Variants in APBA1 observed in about 807,000 individuals in gnomAD.
The protein encoded by APBA1 is amyloid beta precursor protein binding family A member 1.
APBA1 carries 55 observed loss-of-function variants against 86.6 expected under a neutral mutation model. The observed-to-expected ratio is 0.64, with a 90% confidence interval of 0.51 to 0.80. The LOEUF (loss-of-function observed/expected upper bound fraction) is 0.80, where lower values mean the gene tolerates loss of function less well. Among genes scored for constraint, APBA1 ranks in the 30% least tolerant of loss-of-function variants. The pLI, the probability that APBA1 is intolerant of heterozygous loss-of-function variation, is 0.00. For synonymous variants in APBA1, 511 were observed against 493.9 expected (o/e 1.03, Z -0.46); for missense variants, 1,090 against 1,183.0 (o/e 0.92, Z 1.15).
chr9:69,638,519 G>A (rs193018945), intron 1 of APBA1, among the ~76,000 whole-genome samples: 3 of 152,306 alleles, frequency 2.0e-5, no homozygotes, highest in Admixed American at 6.5e-5. Context: ...GGGATTACAG[G>A]TGTGAGCCAT....
chr9:69,631,784 T>C (rs1276039834), intron 1 of APBA1, among the ~76,000 whole-genome samples: 2 of 152,180 alleles, frequency 1.3e-5, no homozygotes, highest in African/African-American at 2.4e-5. Context: ...GAAACCATCA[T>C]TCTCAGCAAA....
chr9:69,607,500 A>G (rs1315024878), intron 1 of APBA1, among the ~76,000 whole-genome samples: 1 of 152,130 alleles, frequency 6.6e-6, no homozygotes, highest in African/African-American at 2.4e-5. Context: ...AGCATCTACC[A>G]TTACTGCTAG....
chr9:69,596,974 A>T (rs1445648446), intron 1 of APBA1, among the ~76,000 whole-genome samples: 1 of 152,222 alleles, frequency 6.6e-6, no homozygotes, highest in Non-Finnish European at 1.5e-5. Flanking sequence ...TGGGGGTGCA[A>T]ATCAATATTT....
chr9:69,528,676 T>C (rs10118612), intron 1 of APBA1, among the ~76,000 whole-genome samples: 27,538 of 151,992 alleles, frequency 0.18, 2,581 homozygotes, highest in Admixed American at 0.22. Flanking sequence ...GTTATCTCTA[T>C]TGCTACACTA....
rs548071231 is a variant in APBA1 at position 69,668,875 on chromosome 9, T to C, written c.-70+3278A>G. Among the ~76,000 whole-genome samples the C allele has an allele frequency of 3.6e-3, 552 of 152,322 alleles. 3 individuals are homozygous for C. Among genetic ancestry groups the C allele is most frequent in the Non-Finnish European group, 4.3e-3 (291 of 68,020 alleles). ...GCCACCTTAATCACAGCTCAAATGC[T>C]ATATCCCATGTAACCTTCCCTAATT... is the stretch of plus-strand genomic sequence containing the variant. On this transcript the variant is annotated intron_variant, in intron 1 of 12. Coordinates refer to ENST00000265381, the MANE Select transcript of APBA1 (RefSeq NM_001163.4).
intron 1 of APBA1, among the ~76,000 whole-genome samples, chr9:69,617,221 C>T (rs1564093232): frequency 6.6e-6 from 1 of 152,136 alleles, no homozygotes; most frequent in Non-Finnish European, 1.5e-5. Context: ...CCTGAATATG[C>T]ACATAGCTTA....
Position 69,636,830 on chromosome 9 carries a change from AGGGAGGGAGG to A in APBA1, c.-70+35313_-70+35322del, listed in dbSNP as rs1408178458. 2.2e-3 allele frequency among the ~76,000 whole-genome samples: 13 copies of A among 5,842 alleles called. 2 individuals are homozygous for A. Among genetic ancestry groups the A allele is most frequent in the Admixed American group, 9.9e-3 (5 of 506 alleles). The allele number at this position is 5,842 out of a possible 152,430, so 3.8% of individuals were successfully genotyped here. ...GAGAGAGAGAGAGAGAGAGAGAGAG[AGGGAGGGAGG>A]GAGGGAGGGAGGGAGGGAGGGAGGG... On this transcript the variant is annotated intron_variant, in intron 1 of 12. Coordinates refer to ENST00000265381, the MANE Select transcript of APBA1 (RefSeq NM_001163.4).
At chr9:69,639,658 C>G (rs945005247) in intron 1 of APBA1, among the ~76,000 whole-genome samples, 31 of 152,114 alleles carry the variant, frequency 2.0e-4, no homozygotes, top group African/African-American at 6.5e-4. Context: ...CTGGTTACCC[C>G]CTGGAGGGTG....
At chr9:69,561,549 A>G (rs1049642821) in intron 1 of APBA1, among the ~76,000 whole-genome samples, 2 of 152,148 alleles carry the variant, frequency 1.3e-5, no homozygotes, top group Admixed American at 1.3e-4. Flanking sequence ...CATCTGTTAG[A>G]GTTCAGAAGT....
Position 69,476,063 on chromosome 9 carries a change from C to G in APBA1, c.1281G>C (p.Ala427=). 1 of 1,614,054 alleles carries G rather than the reference C, an allele frequency of 6.2e-7. No homozygotes were observed. Among genetic ancestry groups the G allele is most frequent in the Non-Finnish European group, 8.5e-7 (1 of 1,179,964 alleles). Residue 427 remains alanine, a synonymous_variant, in exon 3 of 13, where the codon GCG becomes GCC. Transcript: ENST00000265381. The part of the protein sequence containing the change: ...TSLHPSDPVE[A]STNKESRKSL... ...AGCACCCTACCTCTTTATTAGTGGA[C>G]GCTTCCACAGGGTCACTGGGGTGAA...
chr9:69,458,226 TAGAA>T (rs777903428), intron 5 of APBA1, 38 bp from the exon 6 acceptor site: 7 of 1,585,586 alleles, frequency 4.4e-6, no homozygotes, highest in South Asian at 1.2e-5. Context: ...GGAGAATAGT[TAGAA>T]AGAATGTGTA....
chr9:69,608,917 A>G (rs1432955749), intron 1 of APBA1, among the ~76,000 whole-genome samples: 1 of 152,134 alleles, frequency 6.6e-6, no homozygotes, highest in Non-Finnish European at 1.5e-5. Flanking sequence ...TAATCTAATA[A>G]CCATCACTGG....
intron 6 of APBA1, among the ~76,000 whole-genome samples, chr9:69,457,796 G>A (rs188622578): frequency 2.4e-4 from 37 of 152,070 alleles, no homozygotes; most frequent in African/African-American, 8.7e-4. Flanking sequence ...TTTCTTTTTT[G>A]CATCCAGCAA....
intron 2 of APBA1, among the ~76,000 whole-genome samples, chr9:69,503,032 G>A (rs1428603855): frequency 6.6e-6 from 1 of 152,062 alleles, no homozygotes; most frequent in Non-Finnish European, 1.5e-5. Context: ...AAGTGTGTGT[G>A]CTTAACACAA....
intron 1 of APBA1, among the ~76,000 whole-genome samples, chr9:69,658,222 C>CTCCTTTCTTTCTTTCTT (rs1554709905): frequency 9.6e-6 from 1 of 104,220 alleles, no homozygotes; most frequent in African/African-American, 3.1e-5. Flanking sequence ...AGTCCTTTCT[C>CTCCTTTCTTTCTTTCTT]TCTTTCTTTC....
Position 69,432,632 on chromosome 9 carries a change from G to A in APBA1, c.2346C>T (p.Val782=). ...TTTCAATGATCCGGTGCCCCACACG[G>A]ACGCCTCCTCTCTCAGCTATTCCCC... is the stretch of plus-strand genomic sequence containing the variant. ...MRGGIAERGG[V]RVGHRIIEIN... is the part of the protein sequence containing the mutation. The change falls in exon 12 of 13, where the codon GTC becomes GTT. Residue 782 remains valine (V), a synonymous_variant. Transcript: ENST00000265381. 6.2e-7 allele frequency: 1 copy of A among 1,605,102 alleles called. No homozygotes were observed. The highest frequency in any genetic ancestry group is 8.5e-7 in the Non-Finnish European group (1 of 1,176,472).
chr9:69,455,103 A>G (rs1835073550), intron 8 of APBA1, among the ~76,000 whole-genome samples: 1 of 152,118 alleles, frequency 6.6e-6, no homozygotes, highest in African/African-American at 2.4e-5. Flanking sequence ...GCTGACACCT[A>G]ACTTCCGAGA....
At chr9:69,662,319 A>C (rs1823768809) in intron 1 of APBA1, among the ~76,000 whole-genome samples, 1 of 152,208 alleles carries the variant, frequency 6.6e-6, no homozygotes, top group Non-Finnish European at 1.5e-5. Context: ...TCATTATGAG[A>C]AGTAAATGAG....
At chr9:69,536,703 C>CT (rs1836516499) in intron 1 of APBA1, among the ~76,000 whole-genome samples, 1 of 84,042 alleles carries the variant, frequency 1.2e-5, no homozygotes, top group African/African-American at 4.4e-5. Flanking sequence ...CCCATCTCTA[C>CT]TAAAAAAAAA....
Sources: gnomAD v4.1 joint callset for allele counts (sites outside exome capture counted in the v4.1 genomes callset) on GRCh38, gnomAD v4.1.1 for gene constraint, MANE v1.5 for transcripts, NCBI Gene and HGNC (gene_info 2026-07-23, HGNC 2026-07-21) for gene names.